PMPCB: variants seen among roughly 807,000 people sequenced by gnomAD.
PMPCB encodes the protein peptidase, mitochondrial processing subunit beta, also known as mitochondrial-processing peptidase subunit beta.
In PMPCB, 46 loss-of-function variants were observed where a neutral mutation model predicts 61.5. The ratio of observed to expected loss-of-function variants is 0.75; its 90% CI spans 0.59 to 0.96. The LOEUF (loss-of-function observed/expected upper bound fraction) is 0.96. PMPCB is among the 40% of genes least tolerant of loss of function. PMPCB has a pLI of 0.00. For synonymous variants in PMPCB, 191 were observed against 201.6 expected, an observed-to-expected ratio of 0.95 and a Z score of 0.44; for missense variants, 590 against 602.4, an observed-to-expected ratio of 0.98 and a Z score of 0.22.
At chr7:103,299,865 C>G (rs1817401441) in intron 3 of PMPCB, among the ~76,000 whole-genome samples, 1 of 152,112 alleles carries the variant, frequency 6.6e-6, no homozygotes, top group Non-Finnish European at 1.5e-5. Flanking sequence ...GCCTCCTAGG[C>G]TCAAGCCATC....
Position 103,299,424 on chromosome 7 carries a change from G to T in PMPCB, c.241-19G>T. 1 of 1,456,994 alleles carries T rather than the reference G, an allele frequency of 6.9e-7. No homozygotes were observed. Among genetic ancestry groups the T allele is most frequent in the Non-Finnish European group, 9.5e-7 (1 of 1,049,390 alleles). The allele number at this position is 1,456,994 out of a possible 1,614,324, so 90.3% of individuals were successfully genotyped here. A position where few individuals can be genotyped will look rare whatever the true frequency, so the allele number is the denominator to read the frequency against. ...ATAAATAAAATGAATTTATTTAATTGTTCTTTGATTGCATTAAGGTTGGAC... is the reference window on the plus strand; with the variant it reads ...ATAAATAAAATGAATTTATTTAATTTTTCTTTGATTGCATTAAGGTTGGAC... On this transcript the variant is annotated intron_variant, in intron 2 of 12. Coordinates refer to ENST00000249269, the MANE Select transcript of PMPCB (RefSeq NM_004279.3).
rs1258316521 is a variant in PMPCB, at chr7:103,301,335, C to G, written c.457+1028C>G. On this transcript the variant is annotated intron_variant, in intron 4 of 12. Coordinates refer to ENST00000249269, the MANE Select transcript of PMPCB (RefSeq NM_004279.3). ...TGATACCCTAACTTTTGCATTAAAA[C>G]AAAAATGACAGCAACGATGGAGGGT... Among the ~76,000 whole-genome samples, 7 of 152,122 alleles carry G rather than the reference C, an allele frequency of 4.6e-5. No individual in the cohort carries two copies. The East Asian group carries it at 1.3e-3, about 29-fold the overall frequency.
At chr7:103,308,343 C>T (rs1458217470) in intron 7 of PMPCB, among the ~76,000 whole-genome samples, 3 of 152,182 alleles carry the variant, frequency 2.0e-5, no homozygotes, top group South Asian at 2.1e-4. Flanking sequence ...AGATTGAGGC[C>T]GGGTGCGGTG....
chr7:103,319,860 C>G, intron 12 of PMPCB: 1 of 1,612,682 alleles, frequency 6.2e-7, no homozygotes, highest in Non-Finnish European at 8.5e-7. Context: ...AGCACAAACA[C>G]AAAAATAGTA....
the PMPCB span, among the ~76,000 whole-genome samples, chr7:103,339,437 C>T: frequency 6.6e-6 from 1 of 152,218 alleles, no homozygotes. Flanking sequence ...TTACTATCTT[C>T]TCTCATTTTC....
chr7:103,321,340 A>T (rs1460934409), intron 12 of PMPCB, among the ~76,000 whole-genome samples: 1 of 151,964 alleles, frequency 6.6e-6, no homozygotes, highest in Non-Finnish European at 1.5e-5. Flanking sequence ...AACACAGTGA[A>T]ACTCTGTCTC....
chr7:103,319,735 A>G (rs377679257), intron 12 of PMPCB: 14 of 1,614,086 alleles, frequency 8.7e-6, no homozygotes, highest in African/African-American at 4.0e-5. Flanking sequence ...GAAGACTTCA[A>G]TAGCAGTTCC....
the PMPCB span, chr7:103,347,536 A>C: frequency 4.7e-6 from 3 of 643,062 alleles, no homozygotes; most frequent in Non-Finnish European, 5.4e-6. Context: ...AATCAGTCCA[A>C]AAACCAGCGT....
rs1305053043 is a variant in PMPCB, at chr7:103,322,642, G to T, written c.*1432-6289G>T. On this transcript the variant is annotated intron_variant and NMD_transcript_variant, in intron 12 of 12. Transcript: ENST00000444457. Reference sequence around the variant, plus strand: ...CAGCTGTATGCATTGTCTAGCAAAAGAAAAAGTTAATCTCATTTTGAATTT... The same window carrying T: ...CAGCTGTATGCATTGTCTAGCAAAATAAAAAGTTAATCTCATTTTGAATTT... 1 of 1,612,894 alleles carries T rather than the reference G, an allele frequency of 6.2e-7. No individual in the cohort carries two copies.
Position 103,298,641 on chromosome 7 carries a change from C to T in PMPCB, c.173C>T (p.Thr58Ile). 1 of 1,613,874 alleles carries T rather than the reference C, an allele frequency of 6.2e-7. No individual in the cohort carries two copies. Among genetic ancestry groups the T allele is most frequent in the Admixed American group, 1.7e-5 (1 of 60,028 alleles). ...ATQVVLNVPE[T>I]RVTCLESGLR... is the part of the protein sequence containing the mutation. ...CAAGTTGTTCTGAATGTTCCTGAAA[C>T]AAGAGTAACATGTTTAGAAAGTGGA... The change falls in exon 2 of 13, where the codon ACA becomes ATA. Residue 58 changes from threonine to isoleucine, a missense_variant. By Grantham distance (89) the Thr-to-Ile change is moderately conservative (BLOSUM62 -1). Transcript: ENST00000249269.
the PMPCB span, chr7:103,344,854 A>C: frequency 1.7e-6 from 1 of 588,668 alleles, no homozygotes. Flanking sequence ...ACCTAGTTCT[A>C]TACTGACTGA....
intron 6 of PMPCB, among the ~76,000 whole-genome samples, chr7:103,306,545 A>G (rs1817597731): frequency 6.6e-6 from 1 of 151,676 alleles, no homozygotes; most frequent in Admixed American, 6.6e-5. Context: ...ATCACACCTG[A>G]CTAATTTTGT....
At chr7:103,310,036 G>C (rs1461240275) in intron 8 of PMPCB, among the ~76,000 whole-genome samples, 1 of 152,208 alleles carries the variant, frequency 6.6e-6, no homozygotes, top group Non-Finnish European at 1.5e-5. Flanking sequence ...AAATTGGGTT[G>C]ATAATAGCCA....
rs371726894 is a variant in PMPCB at position 103,310,520 on chromosome 7, G to C, written c.1154+45G>C. On this transcript the variant is annotated intron_variant, in intron 9 of 12. Transcript: ENST00000249269. ...GTAATTTAAATTTTGCCTTTAATTC[G>C]TTTTAAACTAGTTTTTTATTTATAC... The C allele has an allele frequency of 3.4e-6, 5 of 1,459,550 alleles. No individual in the cohort carries two copies. The African/African-American group carries it at 7.1e-5, about 21-fold the overall frequency. The allele number at this position is 1,459,550 out of a possible 1,614,324, so 90.4% of individuals were successfully genotyped here.
chr7:103,318,571 G>T (rs919692393), downstream of PMPCB, among the ~76,000 whole-genome samples: 4 of 152,100 alleles, frequency 2.6e-5, no homozygotes, highest in South Asian at 2.1e-4. Flanking sequence ...TTCTTCTCAG[G>T]TTCTTCTCAG....
At chr7:103,331,875 G>A (rs1278326108), downstream of PMPCB, among the ~76,000 whole-genome samples, 1 of 152,212 alleles carries the variant, frequency 6.6e-6, no homozygotes, top group Non-Finnish European at 1.5e-5. Flanking sequence ...ATATCCAGTA[G>A]TGGGAACGCT....
At chr7:103,334,811 G>A in the PMPCB span, among the ~76,000 whole-genome samples, 5 of 152,190 alleles carry the variant, frequency 3.3e-5, no homozygotes, top group East Asian at 9.7e-4. Flanking sequence ...CAAGGGTTCA[G>A]AAACAGTGAC....
the PMPCB span, among the ~76,000 whole-genome samples, chr7:103,334,770 A>G: frequency 3.3e-5 from 5 of 152,078 alleles, no homozygotes; most frequent in East Asian, 5.8e-4. Context: ...TTTCATGAGC[A>G]TAATAAAATT....
At position 103,310,350 on chromosome 7, in the gene PMPCB, T is replaced by C. The variant is rs933577985; in HGVS notation, c.1029T>C (p.His343=). ...GCAAGCTGGCCCAGCTCACTTGTCATGGCAATCTTTGCCATAGCTTTCAGT... is the reference window on the plus strand; with the variant it reads ...GCAAGCTGGCCCAGCTCACTTGTCACGGCAATCTTTGCCATAGCTTTCAGT... The part of the protein sequence containing the change: ...LSSKLAQLTC[H]GNLCHSFQSF... The change falls in exon 9 of 13, where the codon CAT becomes CAC. Residue 343 remains histidine (H), a synonymous_variant. Coordinates refer to ENST00000249269, the MANE Select transcript of PMPCB (RefSeq NM_004279.3). The C allele has an allele frequency of 3.7e-6, 6 of 1,613,828 alleles. No homozygotes were observed. In the African/African-American group the frequency reaches 5.3e-5, roughly 14 times the overall value.
Sources: gnomAD v4.1 joint callset for allele counts (sites outside exome capture counted in the v4.1 genomes callset) on GRCh38, gnomAD v4.1.1 for gene constraint, MANE v1.5 for transcripts, NCBI Gene and HGNC (gene_info 2026-07-23, HGNC 2026-07-21) for gene names.